Variants in PPP2CA observed in about 807,000 individuals in gnomAD.
The protein encoded by PPP2CA is serine/threonine-protein phosphatase 2A catalytic subunit alpha isoform.
A neutral mutation model predicts 38.8 loss-of-function variants in PPP2CA; 5 were observed. That is an observed-to-expected ratio of 0.13 (90% confidence interval 0.07 to 0.27). The LOEUF (loss-of-function observed/expected upper bound fraction) is 0.27, where lower values mean the gene tolerates loss of function less well. Among genes scored for constraint, PPP2CA ranks in the 10% least tolerant of loss-of-function variants. PPP2CA has a pLI of 1.00. For missense variants in PPP2CA, 88 were observed against 389.7 expected, an observed-to-expected ratio of 0.23 and a Z score of 6.52; for synonymous variants, 152 against 134.0, an observed-to-expected ratio of 1.13 and a Z score of -0.93.
intron 1 of PPP2CA, among the ~76,000 whole-genome samples, chr5:134,220,293 T>C (rs757596469): frequency 4.6e-5 from 7 of 151,598 alleles, no homozygotes; most frequent in Non-Finnish European, 8.8e-5. Context: ...ACCCTGTCTC[T>C]ACTAAAAATA....
chr5:134,222,587 T>A (rs897264855), intron 1 of PPP2CA, among the ~76,000 whole-genome samples: 2 of 152,152 alleles, frequency 1.3e-5, no homozygotes, highest in African/African-American at 4.8e-5. Flanking sequence ...ACATGTTTGG[T>A]AAGCACAAAG....
chr5:134,218,845 A>T (rs1053204574), intron 1 of PPP2CA, among the ~76,000 whole-genome samples: 1 of 151,736 alleles, frequency 6.6e-6, no homozygotes, highest in Non-Finnish European at 1.5e-5. Flanking sequence ...AATTTTTTGT[A>T]TTTTTAGTAG....
intron 1 of PPP2CA, among the ~76,000 whole-genome samples, chr5:134,209,328 T>C (rs777821423): frequency 1.3e-5 from 2 of 152,014 alleles, no homozygotes; most frequent in African/African-American, 2.4e-5. Flanking sequence ...TTAACAAAAA[T>C]GCAACCTTGG....
chr5:134,223,726 C>T (rs955117777), intron 1 of PPP2CA, among the ~76,000 whole-genome samples: 1 of 152,202 alleles, frequency 6.6e-6, no homozygotes, highest in African/African-American at 2.4e-5. Context: ...CCAACACAAA[C>T]CCTCTACTTC....
chr5:134,210,534 G>A (rs1280193855), intron 1 of PPP2CA, among the ~76,000 whole-genome samples: 1 of 152,118 alleles, frequency 6.6e-6, no homozygotes, highest in Non-Finnish European at 1.5e-5. Flanking sequence ...AAAAAATTAA[G>A]ATAAAGTTTT....
At chr5:134,199,314 G>A in intron 5 of PPP2CA, 110 bp from the exon 6 acceptor site, 2 of 773,886 alleles carry the variant, frequency 2.6e-6, no homozygotes, top group East Asian at 4.9e-5. Context: ...TGCCAAAGGG[G>A]CTTAAGAAAT....
At chr5:134,204,635 A>T (rs554306266) in intron 2 of PPP2CA, among the ~76,000 whole-genome samples, 1 of 151,640 alleles carries the variant, frequency 6.6e-6, no homozygotes, top group South Asian at 2.1e-4. Context: ...TATTTTTTTT[A>T]ACTTTTTGTA....
In PPP2CA at chr5:134,205,838, T is replaced by C. The variant is rs763605945; in HGVS notation, c.312+84A>G. The C allele has an allele frequency of 2.8e-5, 33 of 1,185,362 alleles. 1 individual carries two copies. Among genetic ancestry groups the C allele is most frequent in the Non-Finnish European group, 3.5e-5 (29 of 820,868 alleles). The allele number at this position is 1,185,362 out of a possible 1,614,324, so 73.4% of individuals were successfully genotyped here. ...GTGGAATTTTGTTTTAACATTCAGA[T>C]AGAGAAAATAACTGGGGGAAAAAAA... is the stretch of plus-strand genomic sequence containing the variant. On this transcript the variant is annotated intron_variant, in intron 2 of 6. Transcript: ENST00000481195.
At chr5:134,200,019 G>A (rs1761940880) in intron 5 of PPP2CA, among the ~76,000 whole-genome samples, 1 of 151,988 alleles carries the variant, frequency 6.6e-6, no homozygotes, top group Non-Finnish European at 1.5e-5. Context: ...TTAAATATAC[G>A]AAATAACATT....
intron 3 of PPP2CA, among the ~76,000 whole-genome samples, chr5:134,201,608 A>G (rs1469554037): frequency 2.0e-5 from 3 of 152,264 alleles, no homozygotes; most frequent in African/African-American, 7.2e-5. Flanking sequence ...TAAATGGGCT[A>G]CATCACCCAC....
At chr5:134,220,008 AT>A (rs1762402967) in intron 1 of PPP2CA, among the ~76,000 whole-genome samples, 2 of 41,198 alleles carry the variant, frequency 4.9e-5, no homozygotes, top group African/African-American at 2.4e-4. Context: ...GAGGCTCCGT[AT>A]CAAAAAAAAA....
At chr5:134,201,229 C>T (rs1456069213) in intron 3 of PPP2CA, among the ~76,000 whole-genome samples, 155 bp from the exon 4 acceptor site, 2 of 152,318 alleles carry the variant, frequency 1.3e-5, no homozygotes, top group South Asian at 4.1e-4. Flanking sequence ...CTGAGCAACA[C>T]AGCAAGACCC....
intron 1 of PPP2CA, among the ~76,000 whole-genome samples, chr5:134,214,144 A>G (rs1468764089): frequency 6.6e-6 from 1 of 152,162 alleles, no homozygotes; most frequent in Non-Finnish European, 1.5e-5. Flanking sequence ...TAACAAAAAA[A>G]GGCTAAAAAA....
chr5:134,200,978 G>A lies in PPP2CA; in HGVS notation c.576+7C>T. Reference sequence around the variant, plus strand: ...TCTGAAAGAATTTTATCAAATAAAAGTCATACCTCATGGGGAACTTCTTGT... The same window carrying A: ...TCTGAAAGAATTTTATCAAATAAAAATCATACCTCATGGGGAACTTCTTGT... On this transcript the variant is annotated splice_region_variant and intron_variant, in intron 4 of 6. Coordinates refer to ENST00000481195, the MANE Select transcript of PPP2CA (RefSeq NM_002715.4). 6.3e-7 allele frequency: 1 copy of A among 1,588,932 alleles called. No individual in the cohort carries two copies. The highest frequency in any genetic ancestry group is 1.3e-5 in the African/African-American group (1 of 74,440).
At chr5:134,206,252 C>T (rs1762080497) in intron 1 of PPP2CA, 121 bp from the exon 2 acceptor site, 1 of 779,566 alleles carries the variant, frequency 1.3e-6, no homozygotes, top group African/African-American at 1.8e-5. Context: ...AAATTGCAGG[C>T]ATTTATGAAC....
rs1026631899 is a variant in PPP2CA, at chr5:134,226,021, G to C, written c.-160C>G. 7.0e-6 allele frequency: 4 copies of C among 574,558 alleles called. No homozygotes were observed. In the South Asian group the frequency reaches 8.7e-5, roughly 13 times the overall value. The allele number at this position is 574,558 out of a possible 1,614,324, so 35.6% of individuals were successfully genotyped here. ...GCTCTCACCGCAGTACTCGGCCGTC[G>C]GCCGCTGCGCCTCCTCCTCCGCTCG... On this transcript the variant is annotated 5_prime_UTR_variant, in exon 1 of 7. Transcript: ENST00000481195.
chr5:134,209,281 A>G (rs78630255), intron 1 of PPP2CA, among the ~76,000 whole-genome samples: 98,933 of 139,494 alleles, frequency 0.71, 32,839 homozygotes, highest in Non-Finnish European at 0.76. Flanking sequence ...CGGAGGGGGA[A>G]AAAAAAAAAA....
At chr5:134,207,334 G>A (rs1023443880) in intron 1 of PPP2CA, among the ~76,000 whole-genome samples, 3 of 152,176 alleles carry the variant, frequency 2.0e-5, no homozygotes, top group African/African-American at 7.2e-5. Flanking sequence ...AAACTTGGGA[G>A]GTGGAGGTTG....
At chr5:134,223,523 A>G (rs2300071) in intron 1 of PPP2CA, among the ~76,000 whole-genome samples, 117,698 of 152,198 alleles carry the variant, frequency 0.77, 45,972 homozygotes, top group Non-Finnish European at 0.82. Context: ...AAACTTTTAT[A>G]TAACACCTAC....
Sources: gnomAD v4.1 joint callset for allele counts (sites outside exome capture counted in the v4.1 genomes callset) on GRCh38, gnomAD v4.1.1 for gene constraint, MANE v1.5 for transcripts, NCBI Gene and HGNC (gene_info 2026-07-23, HGNC 2026-07-21) for gene names.